ANP32D: variants seen among roughly 807,000 people sequenced by gnomAD.
The protein encoded by ANP32D is acidic leucine-rich nuclear phosphoprotein 32 family member D.
Under a neutral mutation model 7.8 loss-of-function variants are expected in ANP32D, and 6 were observed. That is an observed-to-expected ratio of 0.77 (90% CI 0.42 to 1.52). ANP32D has a LOEUF of 1.52. Ranked by LOEUF, ANP32D falls within the 40% of genes most tolerant of loss-of-function variation. The pLI, the probability that ANP32D is intolerant of heterozygous loss-of-function variation, is 0.01. For synonymous variants in ANP32D, 69 were observed against 59.7 expected (o/e 1.16, Z -0.72); for missense variants, 163 against 145.9 (o/e 1.12, Z -0.60).
rs566281923 is a variant in ANP32D, at chr12:48,473,404, A to C, written c.*344A>C. On this transcript the variant is annotated 3_prime_UTR_variant, in exon 1 of 1. Coordinates refer to ENST00000266594, the MANE Select transcript of ANP32D (RefSeq NM_012404.3). ...TAAGAAACTGAAGATGAGGGAGAAG[A>C]CGATGCCTAAGTGGAATAATCTATT... 3 of 790,122 alleles carry C rather than the reference A, an allele frequency of 3.8e-6. No homozygotes were observed. In the African/African-American group the frequency reaches 5.2e-5, roughly 14 times the overall value. 48.9% of individuals were successfully genotyped at this position (790,122 alleles called of 1,614,324 possible).
chr12:48,472,753 A>G lies in ANP32D; in HGVS notation c.89A>G (p.Asn30Ser), dbSNP rs374246487. ...KELFLDNSQSNEGKLEGLTDE... is the reference protein window; with the variant it reads ...KELFLDNSQSSEGKLEGLTDE... ...CTTTTCCTGGACAACAGTCAGTCAA[A>G]TGAAGGCAAATTGGAAGGCCTCACA... The change falls in exon 1 of 1, where the codon AAT becomes AGT. Residue 30 changes from asparagine (N) to serine (S), a missense_variant. Asn to Ser is a conservative substitution (Grantham distance 46). Coordinates refer to ENST00000266594, the MANE Select transcript of ANP32D (RefSeq NM_012404.3). 2.5e-6 allele frequency: 4 copies of G among 1,614,122 alleles called. No individual in the cohort carries two copies. The African/African-American group carries it at 5.3e-5, about 22-fold the overall frequency.
At position 48,473,498 on chromosome 12, in the gene ANP32D, T is replaced by C. The variant is rs1021123279; in HGVS notation, c.*438T>C. The stretch of plus-strand genomic sequence containing the variant: ...CCTCCCCCACTCCAATCCTGCCCCC[T>C]GAAACTTATTTTTTTCTGATTGTAA... On this transcript the variant is annotated 3_prime_UTR_variant, in exon 1 of 1. Transcript: ENST00000266594. The C allele has an allele frequency of 7.6e-6, 3 of 396,444 alleles. No homozygotes were observed. The East Asian group carries it at 2.0e-4, about 26-fold the overall frequency. The allele number at this position is 396,444 out of a possible 1,614,324, so 24.6% of individuals were successfully genotyped here.
rs1954101607 is a variant in ANP32D, at chr12:48,473,550, A to G, written c.*490A>G. Reference sequence around the variant, plus strand: ...GTTGCTGTGGGAGCAAGAGAGGAAAAGTGTACTGGGGGTTGTGAGGGAAGG... The same window carrying G: ...GTTGCTGTGGGAGCAAGAGAGGAAAGGTGTACTGGGGGTTGTGAGGGAAGG... On this transcript the variant is annotated 3_prime_UTR_variant, in exon 1 of 1. Transcript: ENST00000266594. 8.6e-6 allele frequency: 3 copies of G among 350,658 alleles called. No homozygotes were observed. The highest frequency in any genetic ancestry group is 5.1e-5 in the South Asian group (2 of 39,526). 21.7% of individuals were successfully genotyped at this position (350,658 alleles called of 1,614,324 possible).
Position 48,473,217 on chromosome 12 carries a change from G to A in ANP32D, c.*157G>A, listed in dbSNP as rs796930400. On this transcript the variant is annotated 3_prime_UTR_variant, in exon 1 of 1. Transcript: ENST00000266594. ...GGAGGAGTATGATGAAGATGCTCAGGTAATGGAAGATGAGGAGGACGAGGA... is the reference window on the plus strand; with the variant it reads ...GGAGGAGTATGATGAAGATGCTCAGATAATGGAAGATGAGGAGGACGAGGA... 3 of 1,237,792 alleles carry A rather than the reference G, an allele frequency of 2.4e-6. No homozygotes were observed. Among genetic ancestry groups the A allele is most frequent in the East Asian group, 2.4e-5 (1 of 41,936 alleles). The allele number at this position is 1,237,792 out of a possible 1,614,324, so 76.7% of individuals were successfully genotyped here.
At position 48,472,725 on chromosome 12, in the gene ANP32D, G is replaced by A; in HGVS notation, c.61G>A (p.Glu21Lys). Residue 21 changes from glutamate to lysine, a missense_variant, in exon 1 of 1, where the codon GAA becomes AAA. Transcript: ENST00000266594. The part of the protein sequence containing the change: ...LRNRTPSDVK[E>K]LFLDNSQSNE... ...GAACAGGACGCCCTCCGATGTGAAA[G>A]AACTTTTCCTGGACAACAGTCAGTC... 1 of 1,614,182 alleles carries A rather than the reference G, an allele frequency of 6.2e-7. No individual in the cohort carries two copies. The highest frequency in any genetic ancestry group is 1.1e-5 in the South Asian group (1 of 91,076).
In ANP32D at chr12:48,472,752, A is replaced by G. The variant is rs770065599; in HGVS notation, c.88A>G (p.Asn30Asp). 6.2e-7 allele frequency: 1 copy of G among 1,614,202 alleles called. No homozygotes were observed. The highest frequency in any genetic ancestry group is 1.1e-5 in the South Asian group (1 of 91,084). The change falls in exon 1 of 1, where the codon AAT (asparagine) becomes GAT (aspartate). Residue 30 changes from asparagine to aspartate, a missense_variant. Transcript: ENST00000266594. The stretch of plus-strand genomic sequence containing the variant: ...ACTTTTCCTGGACAACAGTCAGTCA[A>G]ATGAAGGCAAATTGGAAGGCCTCAC... ...KELFLDNSQSNEGKLEGLTDE... is the reference protein window; with the variant it reads ...KELFLDNSQSDEGKLEGLTDE...
In ANP32D at chr12:48,473,475, T is replaced by C; in HGVS notation, c.*415T>C. 1 of 463,396 alleles carries C rather than the reference T, an allele frequency of 2.2e-6. No homozygotes were observed. The highest frequency in any genetic ancestry group is 5.6e-5 in the East Asian group (1 of 17,760). The allele number at this position is 463,396 out of a possible 1,614,324, so 28.7% of individuals were successfully genotyped here. A position where few individuals can be genotyped will look rare whatever the true frequency, so the allele number is the denominator to read the frequency against. On this transcript the variant is annotated 3_prime_UTR_variant, in exon 1 of 1. Transcript: ENST00000266594. ...TTTTACTGTTTTTAGCCGTATCCCC[T>C]CCCCCACTCCAATCCTGCCCCCTGA...
rs755908495 is a variant in ANP32D, at chr12:48,472,709, G to A, written c.45G>A (p.Thr15=). 2.6e-5 allele frequency: 42 copies of A among 1,614,020 alleles called. No individual in the cohort carries two copies. Among genetic ancestry groups the A allele is most frequent in the African/African-American group, 6.7e-5 (5 of 74,908 alleles). ...TTCATTTAGAGCTGCGGAACAGGAC[G>A]CCCTCCGATGTGAAAGAACTTTTCC... The part of the protein sequence containing the change: ...KWIHLELRNR[T]PSDVKELFLD... Residue 15 remains threonine, a synonymous_variant, in exon 1 of 1, where the codon ACG becomes ACA. Transcript: ENST00000266594.
At position 48,472,987 on chromosome 12, in the gene ANP32D, C is replaced by A. The variant is rs755224166; in HGVS notation, c.323C>A (p.Pro108His). ...ATTAAAGACCTCAGCACAATAGAGCCCCTGAAAAAGTTAGAAAACCTCGAG... is the reference window on the plus strand; with the variant it reads ...ATTAAAGACCTCAGCACAATAGAGCACCTGAAAAAGTTAGAAAACCTCGAG... The part of the protein sequence containing the change: ...NKIKDLSTIE[P>H]LKKLENLESL... Residue 108 changes from proline to histidine, a missense_variant, in exon 1 of 1, where the codon CCC becomes CAC. Transcript: ENST00000266594. 3 of 1,613,956 alleles carry A rather than the reference C, an allele frequency of 1.9e-6. No homozygotes were observed. The African/African-American group carries it at 4.0e-5, about 22-fold the overall frequency.
rs188770785 is a variant in ANP32D, at chr12:48,472,715, C to T, written c.51C>T (p.Ser17=). 3.9e-5 allele frequency: 63 copies of T among 1,614,044 alleles called. No homozygotes were observed. The East Asian group carries it at 5.8e-4, about 15-fold the overall frequency. Residue 17 remains serine, a synonymous_variant, in exon 1 of 1, where the codon TCC becomes TCT. Transcript: ENST00000266594. ...IHLELRNRTP[S]DVKELFLDNS... ...TAGAGCTGCGGAACAGGACGCCCTC[C>T]GATGTGAAAGAACTTTTCCTGGACA... is the stretch of plus-strand genomic sequence containing the variant.
Position 48,473,294 on chromosome 12 carries a change from G to C in ANP32D, c.*234G>C. The C allele has an allele frequency of 2.7e-6, 3 of 1,115,680 alleles. No homozygotes were observed. The highest frequency in any genetic ancestry group is 4.0e-6 in the Non-Finnish European group (3 of 747,656). 69.1% of individuals were successfully genotyped at this position (1,115,680 alleles called of 1,614,324 possible). A position where few individuals can be genotyped will look rare whatever the true frequency, so the allele number is the denominator to read the frequency against. ...ACGTGAGTGGAGACGAGGAGGAGAA[G>C]GATGAAGGTTATAACAATGGAGAGG... On this transcript the variant is annotated 3_prime_UTR_variant, in exon 1 of 1. Coordinates refer to ENST00000266594, the MANE Select transcript of ANP32D (RefSeq NM_012404.3).
In ANP32D at chr12:48,472,608, G is replaced by T; in HGVS notation, c.-57G>T. 1 of 1,601,828 alleles carries T rather than the reference G, an allele frequency of 6.2e-7. No homozygotes were observed. Among genetic ancestry groups the T allele is most frequent in the Non-Finnish European group, 8.5e-7 (1 of 1,174,286 alleles). On this transcript the variant is annotated 5_prime_UTR_variant, in exon 1 of 1. Transcript: ENST00000266594. ...CTTTCAAATGTGCGGTTGTGGGTTCGGGGTTTATTGGTTGAATTCCGCTGG... is the reference window on the plus strand; with the variant it reads ...CTTTCAAATGTGCGGTTGTGGGTTCTGGGTTTATTGGTTGAATTCCGCTGG...
In ANP32D at chr12:48,473,032, G is replaced by T; in HGVS notation, c.368G>T (p.Cys123Phe). The change falls in exon 1 of 1, where the codon TGC becomes TTC. Residue 123 changes from cysteine (C) to phenylalanine (F), a missense_variant. Coordinates refer to ENST00000266594, the MANE Select transcript of ANP32D (RefSeq NM_012404.3). Reference sequence around the variant, plus strand: ...CTCGAGAGCTTAGACCTTTTCACTTGCGAGGTAACCAACCTGAACAACTAC... The same window carrying T: ...CTCGAGAGCTTAGACCTTTTCACTTTCGAGGTAACCAACCTGAACAACTAC... ...ENLESLDLFT[C>F]EVTNLNNY 6.2e-7 allele frequency: 1 copy of T among 1,614,104 alleles called. No individual in the cohort carries two copies. Among genetic ancestry groups the T allele is most frequent in the Non-Finnish European group, 8.5e-7 (1 of 1,180,034 alleles).
chr12:48,472,834 T>C lies in ANP32D; in HGVS notation c.170T>C (p.Ile57Thr), dbSNP rs765013681. 6.2e-6 allele frequency: 10 copies of C among 1,614,118 alleles called. No individual in the cohort carries two copies. Among genetic ancestry groups the C allele is most frequent in the South Asian group, 1.1e-5 (1 of 91,066 alleles). The stretch of plus-strand genomic sequence containing the variant: ...ACAATCAACATAGGCCTCACCTCAA[T>C]TGCAAACTTGCCAAAGTTAAACAAA... Reference protein sequence around the residue: ...LNTINIGLTSIANLPKLNKLK... With the variant: ...LNTINIGLTSTANLPKLNKLK... The change falls in exon 1 of 1, where the codon ATT becomes ACT. Residue 57 changes from isoleucine to threonine, a missense_variant. Physicochemically the swap from Ile to Thr is moderately conservative, Grantham distance 89. Transcript: ENST00000266594.
In ANP32D at chr12:48,473,085, C is replaced by A; in HGVS notation, c.*25C>A. The A allele has an allele frequency of 1.9e-6, 3 of 1,614,008 alleles. No individual in the cohort carries two copies. Among genetic ancestry groups the A allele is most frequent in the Non-Finnish European group, 2.5e-6 (3 of 1,179,974 alleles). ...AGAAAAGATGTTCAAGCTCCTCCTGCAACTCACATATCTCAACGGCTGTGA... is the reference window on the plus strand; with the variant it reads ...AGAAAAGATGTTCAAGCTCCTCCTGAAACTCACATATCTCAACGGCTGTGA... On this transcript the variant is annotated 3_prime_UTR_variant, in exon 1 of 1. Transcript: ENST00000266594.
chr12:48,473,475 T>A lies in ANP32D; in HGVS notation c.*415T>A, dbSNP rs947334360. The A allele has an allele frequency of 6.5e-6, 3 of 463,288 alleles. No homozygotes were observed. Among genetic ancestry groups the A allele is most frequent in the African/African-American group, 6.1e-5 (3 of 49,250 alleles). 28.7% of individuals were successfully genotyped at this position (463,288 alleles called of 1,614,324 possible). A position where few individuals can be genotyped will look rare whatever the true frequency, so the allele number is the denominator to read the frequency against. ...TTTTACTGTTTTTAGCCGTATCCCCTCCCCCACTCCAATCCTGCCCCCTGA... is the reference window on the plus strand; with the variant it reads ...TTTTACTGTTTTTAGCCGTATCCCCACCCCCACTCCAATCCTGCCCCCTGA... On this transcript the variant is annotated 3_prime_UTR_variant, in exon 1 of 1. Coordinates refer to ENST00000266594, the MANE Select transcript of ANP32D (RefSeq NM_012404.3).
Position 48,473,546 on chromosome 12 carries a change from G to T in ANP32D, c.*486G>T, listed in dbSNP as rs1954101570. ...TAACGTTGCTGTGGGAGCAAGAGAG[G>T]AAAAGTGTACTGGGGGTTGTGAGGG... On this transcript the variant is annotated 3_prime_UTR_variant, in exon 1 of 1. Coordinates refer to ENST00000266594, the MANE Select transcript of ANP32D (RefSeq NM_012404.3). The T allele has an allele frequency of 2.8e-6, 1 of 354,388 alleles. No homozygotes were observed. Among genetic ancestry groups the T allele is most frequent in the Non-Finnish European group, 5.5e-6 (1 of 182,378 alleles). The allele number at this position is 354,388 out of a possible 1,614,324, so 22.0% of individuals were successfully genotyped here. A position where few individuals can be genotyped will look rare whatever the true frequency, so the allele number is the denominator to read the frequency against.
chr12:48,473,002 A>G lies in ANP32D; in HGVS notation c.338A>G (p.Glu113Gly). ...ACAATAGAGCCCCTGAAAAAGTTAG[A>G]AAACCTCGAGAGCTTAGACCTTTTC... ...LSTIEPLKKLENLESLDLFTC... is the reference protein window; with the variant it reads ...LSTIEPLKKLGNLESLDLFTC... The change falls in exon 1 of 1, where the codon GAA becomes GGA. Residue 113 changes from glutamate (E) to glycine (G), a missense_variant. Coordinates refer to ENST00000266594, the MANE Select transcript of ANP32D (RefSeq NM_012404.3). The G allele has an allele frequency of 6.2e-7, 1 of 1,614,152 alleles. No homozygotes were observed. The highest frequency in any genetic ancestry group is 1.1e-5 in the South Asian group (1 of 91,082).
chr12:48,473,025 T>C lies in ANP32D; in HGVS notation c.361T>C (p.Phe121Leu), dbSNP rs1350358650. The change falls in exon 1 of 1, where the codon TTC (phenylalanine) becomes CTC (leucine). Residue 121 changes from phenylalanine to leucine, a missense_variant. By Grantham distance (22) the Phe-to-Leu change is conservative. Coordinates refer to ENST00000266594, the MANE Select transcript of ANP32D (RefSeq NM_012404.3). ...AGAAAACCTCGAGAGCTTAGACCTT[T>C]TCACTTGCGAGGTAACCAACCTGAA... The part of the protein sequence containing the change: ...KLENLESLDL[F>L]TCEVTNLNNY The C allele has an allele frequency of 3.1e-6, 5 of 1,614,112 alleles. No individual in the cohort carries two copies. The highest frequency in any genetic ancestry group is 4.2e-6 in the Non-Finnish European group (5 of 1,180,014).
Sources: gnomAD v4.1 joint callset for allele counts on GRCh38, gnomAD v4.1.1 for gene constraint, MANE v1.5 for transcripts, NCBI Gene and HGNC (gene_info 2026-07-23, HGNC 2026-07-21) for gene names.